Variants in ACACA observed in about 807,000 individuals in gnomAD.
The protein encoded by ACACA is acetyl-CoA carboxylase alpha.
A neutral mutation model predicts 296.1 loss-of-function variants in ACACA; 103 were observed. The ratio of observed to expected loss-of-function variants is 0.35; its 90% CI spans 0.30 to 0.41. ACACA has a LOEUF of 0.41. Among genes scored for constraint, ACACA ranks in the 10% least tolerant of loss-of-function variants. ACACA has a pLI of 1.00. For synonymous variants in ACACA, 953 were observed against 1,038.6 expected (o/e 0.92, Z 1.58); for missense variants, 1,554 against 2,989.7 (o/e 0.52, Z 11.20).
chr17:37,200,552 G>A (rs1045686833), intron 33 of ACACA, 69 bp from the exon 34 acceptor site: 13 of 1,447,490 alleles, frequency 9.0e-6, no homozygotes, highest in Non-Finnish European at 1.3e-5. Flanking sequence ...TATCCCATTC[G>A]GCCCTTGTAA....
At chr17:37,260,745 GAAAAGAAAAGAAAGA>G (rs368451808) in intron 11 of ACACA, among the ~76,000 whole-genome samples, 20 of 151,732 alleles carry the variant, frequency 1.3e-4, no homozygotes, top group Middle Eastern at 3.4e-3. Flanking sequence ...GAAAAGAAAG[GAAAAGAAAAGAAAGA>G]AAAAGAAAAG....
At chr17:37,302,808 C>T (rs923680733) in intron 3 of ACACA, among the ~76,000 whole-genome samples, 3 of 152,086 alleles carry the variant, frequency 2.0e-5, no homozygotes, top group Admixed American at 2.0e-4. Flanking sequence ...TTGATAAACT[C>T]ATTTAAAAAT....
At chr17:37,104,911 G>T (rs1412139846) in intron 52 of ACACA, among the ~76,000 whole-genome samples, 3 of 142,012 alleles carry the variant, frequency 2.1e-5, no homozygotes, top group East Asian at 4.2e-4. Context: ...TGCACTCCAG[G>T]CTGGCAGACA....
At chr17:37,222,314 C>G (rs982848821) in intron 28 of ACACA, among the ~76,000 whole-genome samples, 1 of 152,136 alleles carries the variant, frequency 6.6e-6, no homozygotes, top group Non-Finnish European at 1.5e-5. Flanking sequence ...CTTTGTCTTG[C>G]GTCCTCCCCG....
At chr17:37,247,785 G>A (rs2146033552) in intron 18 of ACACA, 1 of 597,952 alleles carries the variant, frequency 1.7e-6, no homozygotes, top group East Asian at 2.8e-5. Context: ...ATAAAAAGGG[G>A]AACTTATTTT....
At chr17:37,203,789 A>C (rs1344973157) in intron 33 of ACACA, among the ~76,000 whole-genome samples, 1 of 152,150 alleles carries the variant, frequency 6.6e-6, no homozygotes, top group Non-Finnish European at 1.5e-5. Flanking sequence ...CTCTTCCAGC[A>C]AAGATTACCT....
chr17:37,244,194 C>T (rs1349575289), intron 21 of ACACA, among the ~76,000 whole-genome samples: 4 of 149,400 alleles, frequency 2.7e-5, no homozygotes, highest in Non-Finnish European at 3.0e-5. Context: ...AACCCCACCT[C>T]TACTAAAAAA....
intron 1 of ACACA, among the ~76,000 whole-genome samples, chr17:37,356,656 G>A (rs993744395): frequency 1.3e-5 from 2 of 152,156 alleles, no homozygotes; most frequent in African/African-American, 4.8e-5. Context: ...AGGATTACAG[G>A]AGTGAGCCAC....
At chr17:37,305,268 G>GC (rs1423577458) in intron 3 of ACACA, among the ~76,000 whole-genome samples, 1 of 152,064 alleles carries the variant, frequency 6.6e-6, no homozygotes, top group Non-Finnish European at 1.5e-5. Flanking sequence ...TTACTAGTTT[G>GC]TTTTTTTCTT....
At chr17:37,359,174 CCT>C (rs1363043621) in intron 1 of ACACA, 13 of 980,932 alleles carry the variant, frequency 1.3e-5, no homozygotes, top group South Asian at 4.7e-5. Context: ...CCGCCCCGCC[CCT>C]GTCTCCCACC....
intron 3 of ACACA, among the ~76,000 whole-genome samples, chr17:37,285,404 G>C (rs2082720639): frequency 6.6e-6 from 1 of 152,076 alleles, no homozygotes; most frequent in African/African-American, 2.4e-5. Flanking sequence ...TGTTTTACCT[G>C]GGTATCTCCT....
chr17:37,173,107 T>C (rs924415650), intron 41 of ACACA, among the ~76,000 whole-genome samples: 2 of 152,140 alleles, frequency 1.3e-5, no homozygotes, highest in African/African-American at 2.4e-5. Context: ...TTAAATTGAG[T>C]AAAACAATTT....
chr17:37,252,819 G>T, intron 15 of ACACA, 67 bp downstream of exon 15: 1 of 1,584,260 alleles, frequency 6.3e-7, no homozygotes, highest in Non-Finnish European at 8.7e-7. Flanking sequence ...TTCATGTAGT[G>T]ACAGGGATTG....
intron 35 of ACACA, among the ~76,000 whole-genome samples, chr17:37,199,046 C>G (rs1430463034): frequency 6.6e-6 from 1 of 151,978 alleles, no homozygotes; most frequent in Non-Finnish European, 1.5e-5. Context: ...TCGAGACCAG[C>G]CTGGCTAACA....
At chr17:37,344,319 A>G (rs2048518099) in intron 1 of ACACA, among the ~76,000 whole-genome samples, 1 of 152,068 alleles carries the variant, frequency 6.6e-6, no homozygotes, top group African/African-American at 2.4e-5. Context: ...GCACTTTGGG[A>G]GGATGAGACA....
At position 37,205,838 on chromosome 17, in the gene ACACA, A is replaced by G; in HGVS notation, c.3983T>C (p.Val1328Ala). The G allele has an allele frequency of 2.5e-6, 4 of 1,613,532 alleles. No individual in the cohort carries two copies. The highest frequency in any genetic ancestry group is 3.4e-6 in the Non-Finnish European group (4 of 1,179,902). ...PRDEPIHILN[V>A]AIKTDCDIED... ...AATATCACAGTCAGTCTTGATAGCC[A>G]CATTGAGAATGTGAATTGGTTCATC... The change falls in exon 33 of 56, where the codon GTG becomes GCG. Residue 1328 changes from valine to alanine, a missense_variant. By Grantham distance (64) the Val-to-Ala change is moderately conservative. Coordinates refer to ENST00000616317, the MANE Select transcript of ACACA (RefSeq NM_198834.3).
chr17:37,241,869 G>T, intron 23 of ACACA, 84 bp downstream of exon 23: 1 of 1,067,444 alleles, frequency 9.4e-7, no homozygotes, highest in South Asian at 1.3e-5. Context: ...AGTCAAATCT[G>T]AGGTAAATTT....
intron 10 of ACACA, among the ~76,000 whole-genome samples, chr17:37,266,449 G>T (rs2081781292): frequency 6.7e-6 from 1 of 148,268 alleles, no homozygotes; most frequent in Non-Finnish European, 1.5e-5. Flanking sequence ...TTAGAAGCAT[G>T]TTTCCAGCTG....
intron 1 of ACACA, among the ~76,000 whole-genome samples, chr17:37,360,020 C>T (rs973442676): frequency 6.6e-6 from 1 of 152,134 alleles, no homozygotes; most frequent in African/African-American, 2.4e-5. Context: ...CCGTCCTCCA[C>T]TGTGGGCACG....
Sources: allele counts gnomAD v4.1 joint callset (sites outside exome capture counted in the v4.1 genomes callset), GRCh38; gene constraint gnomAD v4.1.1; transcripts MANE v1.5; gene names NCBI Gene and HGNC (gene_info 2026-07-23, HGNC 2026-07-21).